The following SLC17A5 variants were observed in gnomAD, a reference collection of about 807,000 sequenced individuals.
The protein encoded by SLC17A5 is sialin.
In SLC17A5, 47 loss-of-function variants were observed where a neutral mutation model predicts 59.4. The observed-to-expected ratio is 0.79, with a 90% confidence interval of 0.63 to 1.01. SLC17A5 has a LOEUF of 1.01. Ranked by LOEUF, SLC17A5 falls within the 50% of genes least tolerant of loss-of-function variation. The pLI, the probability that SLC17A5 is intolerant of heterozygous loss-of-function variation, is 0.00. For synonymous variants in SLC17A5, 202 were observed against 210.7 expected, an observed-to-expected ratio of 0.96 and a Z score of 0.36; for missense variants, 522 against 595.5, an observed-to-expected ratio of 0.88 and a Z score of 1.28.
At chr6:73,607,997 G>A (rs478503) in intron 9 of SLC17A5, among the ~76,000 whole-genome samples, 16,303 of 151,886 alleles carry the variant, frequency 0.11, 1,043 homozygotes, top group Middle Eastern at 0.18. Context: ...GGCTGATCTC[G>A]AACTCCTGAC....
intron 7 of SLC17A5, among the ~76,000 whole-genome samples, chr6:73,619,622 A>G (rs2150096754): frequency 6.6e-6 from 1 of 151,602 alleles, no homozygotes; most frequent in Admixed American, 6.6e-5. Context: ...AGGCTATATA[A>G]TTATAGAATT....
At chr6:73,639,024 G>A (rs986971318) in intron 3 of SLC17A5, among the ~76,000 whole-genome samples, 1 of 151,982 alleles carries the variant, frequency 6.6e-6, no homozygotes, top group African/African-American at 2.4e-5. Flanking sequence ...AATATTTTGG[G>A]ATACTGAAAA....
chr6:73,618,842 A>C (rs143230158), intron 7 of SLC17A5, among the ~76,000 whole-genome samples: 2,051 of 152,178 alleles, frequency 0.013, 169 homozygotes, highest in Admixed American at 0.12. Flanking sequence ...CTCCTGCCTC[A>C]GTCTCCCGAG....
chr6:73,610,972 G>T (rs951670895), intron 8 of SLC17A5, among the ~76,000 whole-genome samples: 1 of 152,230 alleles, frequency 6.6e-6, no homozygotes, highest in Non-Finnish European at 1.5e-5. Context: ...CCTGGGTGTG[G>T]CAGCTCACAC....
At chr6:73,633,659 G>T (rs960499406) in intron 6 of SLC17A5, among the ~76,000 whole-genome samples, 2 of 151,834 alleles carry the variant, frequency 1.3e-5, no homozygotes, top group East Asian at 3.9e-4. Context: ...TGGGAGGATC[G>T]CTTGAGGCCA....
chr6:73,600,238 A>G (rs1448270041), intron 10 of SLC17A5, 113 bp downstream of exon 10: 5 of 866,550 alleles, frequency 5.8e-6, no homozygotes, highest in Non-Finnish European at 7.5e-6. Context: ...TTGTTGCTAA[A>G]AAGAATTTCA....
At chr6:73,630,233 C>T (rs1231443824) in intron 6 of SLC17A5, among the ~76,000 whole-genome samples, 2 of 152,094 alleles carry the variant, frequency 1.3e-5, no homozygotes, top group South Asian at 2.1e-4. Flanking sequence ...CCTCATGATC[C>T]GCCTGCCTTG....
chr6:73,624,504 TATCA>T (rs750725306), intron 6 of SLC17A5, among the ~76,000 whole-genome samples: 3 of 152,266 alleles, frequency 2.0e-5, no homozygotes, highest in African/African-American at 4.8e-5. Flanking sequence ...TTATTTCATC[TATCA>T]ATCCTTTAAA....
intron 6 of SLC17A5, among the ~76,000 whole-genome samples, chr6:73,625,947 G>A (rs1207855288): frequency 6.6e-6 from 1 of 152,174 alleles, no homozygotes; most frequent in African/African-American, 2.4e-5. Context: ...TATCCTTCTT[G>A]ATTGAAAAGC....
intron 9 of SLC17A5, among the ~76,000 whole-genome samples, chr6:73,609,877 G>T (rs1767569265): frequency 6.6e-6 from 1 of 152,204 alleles, no homozygotes; most frequent in Non-Finnish European, 1.5e-5. Flanking sequence ...CTGGGAGGAA[G>T]GAGAAATGGG....
chr6:73,653,034 C>T (rs1426184868), intron 1 of SLC17A5: 1 of 985,112 alleles, frequency 1.0e-6, no homozygotes, highest in East Asian at 1.1e-4. Context: ...TCGATTTGTT[C>T]CAAGACCTTT....
chr6:73,635,071 G>A (rs1001859539), intron 6 of SLC17A5, among the ~76,000 whole-genome samples: 1 of 151,746 alleles, frequency 6.6e-6, no homozygotes, highest in Non-Finnish European at 1.5e-5. Context: ...ACAATACTTT[G>A]TTCATATTTA....
rs990824545 is a variant in SLC17A5 at position 73,593,786 on chromosome 6, TG to T, written c.*1290del. On this transcript the variant is annotated 3_prime_UTR_variant, in exon 11 of 11. Coordinates refer to ENST00000355773, the MANE Select transcript of SLC17A5 (RefSeq NM_012434.5). ...TGTAGCTTAAAAACATAGAACAGGC[TG>T]GGCACAGTGGCTCATGCCTGTAGTC... 32 of 152,188 alleles carry T rather than the reference TG, an allele frequency of 2.1e-4. No individual in the cohort carries two copies. Among genetic ancestry groups the T allele is most frequent in the African/African-American group, 7.7e-4 (32 of 41,526 alleles). The allele number at this position is 152,188 out of a possible 1,614,324, so 9.4% of individuals were successfully genotyped here. A position where few individuals can be genotyped will look rare whatever the true frequency, so the allele number is the denominator to read the frequency against.
At chr6:73,600,504 CCTT>C (rs1487768640) in intron 9 of SLC17A5, 63 bp from the exon 10 acceptor site, 14 of 1,167,412 alleles carry the variant, frequency 1.2e-5, no homozygotes, top group East Asian at 5.1e-5. Flanking sequence ...TTCATTCTTT[CCTT>C]CTTTTTTTTT....
At chr6:73,629,736 T>C (rs7758991) in intron 6 of SLC17A5, among the ~76,000 whole-genome samples, 3 of 150,036 alleles carry the variant, frequency 2.0e-5, no homozygotes, top group African/African-American at 4.9e-5. Context: ...GATCGCACCA[T>C]TGCACTCCAG....
chr6:73,609,851 T>C (rs1561987925), intron 9 of SLC17A5, among the ~76,000 whole-genome samples: 2 of 152,170 alleles, frequency 1.3e-5, no homozygotes, highest in African/African-American at 4.8e-5. Context: ...GAAAGTAGAA[T>C]GTTGGTTGCC....
At chr6:73,639,846 G>A (rs1297903581) in intron 3 of SLC17A5, among the ~76,000 whole-genome samples, 1 of 152,146 alleles carries the variant, frequency 6.6e-6, no homozygotes, top group Non-Finnish European at 1.5e-5. Flanking sequence ...AGAAGTTCGA[G>A]ACCAGCCTGG....
At chr6:73,604,906 A>G (rs1561986149) in intron 9 of SLC17A5, among the ~76,000 whole-genome samples, 1 of 152,236 alleles carries the variant, frequency 6.6e-6, no homozygotes, top group South Asian at 2.1e-4. Flanking sequence ...AAAACCTGAT[A>G]TCAGACATGT....
intron 6 of SLC17A5, among the ~76,000 whole-genome samples, chr6:73,633,829 G>A (rs531567721): frequency 5.3e-4 from 80 of 151,794 alleles, no homozygotes; most frequent in African/African-American, 1.9e-3. Context: ...GCAGTGAGCT[G>A]AGATTGTGCC....
Sources: gnomAD v4.1 joint callset for allele counts (sites outside exome capture counted in the v4.1 genomes callset) on GRCh38, gnomAD v4.1.1 for gene constraint, MANE v1.5 for transcripts, NCBI Gene and HGNC (gene_info 2026-07-23, HGNC 2026-07-21) for gene names.